Variants in BLOC1S5 observed in about 807,000 individuals in gnomAD.
BLOC1S5 encodes biogenesis of lysosomal organelles complex 1 subunit 5.
Under a neutral mutation model 24.3 loss-of-function variants are expected in BLOC1S5, and 27 were observed. The ratio of observed to expected loss-of-function variants is 1.11; its 90% CI spans 0.82 to 1.53. The LOEUF is 1.53. Among genes scored for constraint, BLOC1S5 ranks in the 40% most tolerant of loss-of-function variants. The pLI, the probability that BLOC1S5 is intolerant of heterozygous loss-of-function variation, is 0.00. For synonymous variants in BLOC1S5, 84 were observed against 74.5 expected (o/e 1.13, Z -0.66); for missense variants, 239 against 229.4 (o/e 1.04, Z -0.27).
intron 2 of BLOC1S5, among the ~76,000 whole-genome samples, chr6:8,057,998 C>T (rs756633340): frequency 1.3e-5 from 2 of 152,130 alleles, no homozygotes; most frequent in Admixed American, 6.5e-5. Flanking sequence ...TGTTTACATG[C>T]CTTTCTTCTC....
rs545792464 is a variant in BLOC1S5 at position 8,037,110 on chromosome 6, C to T, written c.325+4029G>A. On this transcript the variant is annotated intron_variant, in intron 3 of 4. Transcript: ENST00000397457. ...GCTCACATTCACCACTTTTATTCAA[C>T]ATAATACTGAAAGTACTGCCAGGGC... Among the ~76,000 whole-genome samples the T allele has an allele frequency of 2.6e-5, 4 of 152,186 alleles. No individual in the cohort carries two copies. In the South Asian group the frequency reaches 8.3e-4, roughly 32 times the overall value.
chr6:8,046,373 G>T (rs1763901011), intron 2 of BLOC1S5, among the ~76,000 whole-genome samples: 1 of 152,012 alleles, frequency 6.6e-6, no homozygotes, highest in Non-Finnish European at 1.5e-5. Flanking sequence ...GACTAACACA[G>T]GGGTACATGG....
At chr6:8,046,489 G>A (rs1245392752) in intron 2 of BLOC1S5, among the ~76,000 whole-genome samples, 1 of 151,946 alleles carries the variant, frequency 6.6e-6, no homozygotes, top group East Asian at 1.9e-4. Flanking sequence ...TAATAGACTA[G>A]ATATGTTACT....
At chr6:8,054,415 G>A (rs182513197) in intron 2 of BLOC1S5, 2 of 309,334 alleles carry the variant, frequency 6.5e-6, no homozygotes, top group African/African-American at 4.4e-5. Flanking sequence ...CTGTTGTTAG[G>A]TAGAAGTCTC....
intron 2 of BLOC1S5, among the ~76,000 whole-genome samples, chr6:8,052,286 C>T (rs1004297749): frequency 6.6e-6 from 1 of 152,008 alleles, no homozygotes; most frequent in African/African-American, 2.4e-5. Context: ...CATTCTACAG[C>T]GCATGGATTA....
At chr6:8,058,619 G>A (rs1172029758) in intron 2 of BLOC1S5, among the ~76,000 whole-genome samples, 1 of 152,152 alleles carries the variant, frequency 6.6e-6, no homozygotes, top group Non-Finnish European at 1.5e-5. Context: ...GAACCCAGCA[G>A]GTTGAGGCTG....
chr6:8,058,645 G>A (rs1009009423), intron 2 of BLOC1S5, among the ~76,000 whole-genome samples: 1 of 152,100 alleles, frequency 6.6e-6, no homozygotes, highest in Non-Finnish European at 1.5e-5. Flanking sequence ...AGCCATGATC[G>A]TGCCACTGCA....
intron 2 of BLOC1S5, among the ~76,000 whole-genome samples, chr6:8,052,500 T>C (rs1408576991): frequency 3.3e-5 from 5 of 152,018 alleles, no homozygotes; most frequent in Non-Finnish European, 7.4e-5. Flanking sequence ...TTGGAAGAAG[T>C]TGATTCCAAC....
intron 3 of BLOC1S5, among the ~76,000 whole-genome samples, chr6:8,027,773 A>G (rs889047297): frequency 6.6e-6 from 1 of 151,676 alleles, no homozygotes; most frequent in African/African-American, 2.4e-5. Context: ...CAGTGAGCCA[A>G]GATCGTGCCA....
chr6:8,020,824 G>C (rs1034357717), intron 4 of BLOC1S5, among the ~76,000 whole-genome samples: 2 of 152,170 alleles, frequency 1.3e-5, no homozygotes, highest in African/African-American at 2.4e-5. Context: ...AGTTATAAGA[G>C]CATTGTGCTT....
At chr6:8,059,146 C>T (rs995379817) in intron 2 of BLOC1S5, among the ~76,000 whole-genome samples, 1 of 152,200 alleles carries the variant, frequency 6.6e-6, no homozygotes, top group African/African-American at 2.4e-5. Context: ...TACATTAATA[C>T]TCACTGGAAG....
At chr6:8,031,594 T>A (rs1763300009) in intron 3 of BLOC1S5, among the ~76,000 whole-genome samples, 1 of 149,714 alleles carries the variant, frequency 6.7e-6, no homozygotes, top group South Asian at 2.1e-4. Flanking sequence ...CCATTATCAA[T>A]ATTCACAGCA....
At chr6:8,047,158 TCTCACA>T (rs1406767533) in intron 2 of BLOC1S5, among the ~76,000 whole-genome samples, 22 of 58,056 alleles carry the variant, frequency 3.8e-4, no homozygotes, top group Middle Eastern at 6.2e-3. Context: ...TCTCTCTCTC[TCTCACA>T]CACACACACA....
chr6:8,043,883 C>A (rs9392952), intron 2 of BLOC1S5, among the ~76,000 whole-genome samples: 9 of 152,168 alleles, frequency 5.9e-5, no homozygotes, highest in East Asian at 1.9e-4. Flanking sequence ...CATGGGGGCC[C>A]GTCTTTCCCA....
At chr6:8,055,296 G>A (rs1254709171) in intron 2 of BLOC1S5, among the ~76,000 whole-genome samples, 1 of 152,196 alleles carries the variant, frequency 6.6e-6, no homozygotes, top group Non-Finnish European at 1.5e-5. Flanking sequence ...TCAGCCAGGT[G>A]TGGTGGCGTG....
chr6:8,045,649 G>A (rs544264233), intron 2 of BLOC1S5, among the ~76,000 whole-genome samples: 23 of 152,280 alleles, frequency 1.5e-4, no homozygotes, highest in African/African-American at 3.8e-4. Flanking sequence ...TCCACCTCTC[G>A]CATCAGTGTG....
At chr6:8,034,555 C>T (rs974245778) in intron 3 of BLOC1S5, among the ~76,000 whole-genome samples, 7 of 152,132 alleles carry the variant, frequency 4.6e-5, no homozygotes, top group Admixed American at 2.6e-4. Context: ...AGCAAACCAA[C>T]ATGGCACATA....
At chr6:8,039,999 T>C (rs1166454625) in intron 3 of BLOC1S5, among the ~76,000 whole-genome samples, 1 of 152,130 alleles carries the variant, frequency 6.6e-6, no homozygotes. Context: ...TGAAGTTAAG[T>C]GGGAACTAAC....
chr6:8,050,298 A>G (rs1260641547), intron 2 of BLOC1S5, among the ~76,000 whole-genome samples: 5 of 152,164 alleles, frequency 3.3e-5, no homozygotes, highest in Non-Finnish European at 7.3e-5. Context: ...CCACAATCAC[A>G]TAAGACCATG....
Sources: gnomAD v4.1 joint callset for allele counts (sites outside exome capture counted in the v4.1 genomes callset) on GRCh38, gnomAD v4.1.1 for gene constraint, MANE v1.5 for transcripts, NCBI Gene and HGNC (gene_info 2026-07-23, HGNC 2026-07-21) for gene names.